The following VPS8 variants were observed in gnomAD, a reference collection of about 807,000 sequenced individuals.
The protein encoded by VPS8 is VPS8 subunit of CORVET complex.
In VPS8, 129 loss-of-function variants were observed where a neutral mutation model predicts 216.4. That is an observed-to-expected ratio of 0.60 (90% CI 0.52 to 0.69). The LOEUF (loss-of-function observed/expected upper bound fraction) is 0.69, where lower values mean the gene tolerates loss of function less well. Ranked by LOEUF, VPS8 falls within the 30% of genes least tolerant of loss-of-function variation. The pLI is 0.00. For missense variants in VPS8, 1,531 were observed against 1,683.5 expected (o/e 0.91, Z 1.59); for synonymous variants, 571 against 565.4 (o/e 1.01, Z -0.14).
At chr3:184,927,726 A>T (rs944166560) in intron 31 of VPS8, among the ~76,000 whole-genome samples, 2 of 151,900 alleles carry the variant, frequency 1.3e-5, no homozygotes, top group African/African-American at 4.8e-5. Context: ...TTAAATCATA[A>T]CTCCCACTCC....
chr3:184,845,893 T>G (rs1320584077), intron 8 of VPS8, among the ~76,000 whole-genome samples: 2 of 152,172 alleles, frequency 1.3e-5, no homozygotes, highest in Non-Finnish European at 2.9e-5. Context: ...TAAGTGTATA[T>G]ATGAATGTAA....
intron 4 of VPS8, among the ~76,000 whole-genome samples, chr3:184,834,373 C>A (rs1345491423): frequency 6.6e-6 from 1 of 152,084 alleles, no homozygotes; most frequent in African/African-American, 2.4e-5. Context: ...TCCGTCATAC[C>A]TCTTTTAGGA....
At chr3:185,015,721 G>A (rs986408907) in intron 45 of VPS8, among the ~76,000 whole-genome samples, 1 of 152,228 alleles carries the variant, frequency 6.6e-6, no homozygotes, top group Non-Finnish European at 1.5e-5. Context: ...GGTTTGCCAA[G>A]TAAGACCATT....
Position 184,926,622 on chromosome 3 carries a change from A to T in VPS8, c.2603A>T (p.Asp868Val), listed in dbSNP as rs769890987. 2 of 1,605,428 alleles carry T rather than the reference A, an allele frequency of 1.2e-6. No individual in the cohort carries two copies. Among genetic ancestry groups the T allele is most frequent in the South Asian group, 2.2e-5 (2 of 89,004 alleles). Residue 868 changes from aspartate (D) to valine (V), a missense_variant, in exon 31 of 48, where the codon GAT becomes GTT. By Grantham distance (152) the Asp-to-Val change is radical. This residue lies in a region of VPS8 where 1,318 missense variants were observed against 1,468.4 expected (regional missense o/e 0.90). Coordinates refer to ENST00000625842, the MANE Select transcript of VPS8 (RefSeq NM_001009921.3). The stretch of plus-strand genomic sequence containing the variant: ...CTTGAATTCCTTTGTAGTCCTGACG[A>T]TGACTCCCGACACTCTGAAAGACAG... ...QVLEFLCSPD[D>V]DSRHSERQQV...
In VPS8 at chr3:184,928,147, T is replaced by C. The variant is rs535145626; in HGVS notation, c.2632-304T>C. On this transcript the variant is annotated intron_variant, in intron 31 of 47. Transcript: ENST00000625842. ...ATAAAAATTCACTTCTTGAAAGATA[T>C]ATATGGACATTTTAGCTTAGCAGAG... Among the ~76,000 whole-genome samples the C allele has an allele frequency of 5.9e-5, 9 of 152,362 alleles. 1 individual carries two copies. The highest frequency in any genetic ancestry group is 4.6e-4 in the Admixed American group (7 of 15,312).
chr3:184,829,618 G>T (rs1719564379), intron 3 of VPS8, among the ~76,000 whole-genome samples: 1 of 152,094 alleles, frequency 6.6e-6, no homozygotes. Context: ...TTTTGAAAGT[G>T]GTGGTATTGA....
intron 33 of VPS8, among the ~76,000 whole-genome samples, chr3:184,930,072 A>T (rs1364842396): frequency 6.6e-6 from 1 of 152,138 alleles, no homozygotes; most frequent in Non-Finnish European, 1.5e-5. Context: ...AGGTGGGGAA[A>T]ATTGACATGT....
At chr3:184,858,224 G>A (rs1725639665) in intron 14 of VPS8, among the ~76,000 whole-genome samples, 1 of 152,156 alleles carries the variant, frequency 6.6e-6, no homozygotes, top group Non-Finnish European at 1.5e-5. Context: ...AGGATATAGA[G>A]TGTGTACTTA....
intron 22 of VPS8, among the ~76,000 whole-genome samples, chr3:184,888,540 T>C (rs1731734960): frequency 6.6e-6 from 1 of 152,200 alleles, no homozygotes; most frequent in South Asian, 2.1e-4. Flanking sequence ...TTCCTTGTTA[T>C]ATGTCCTGTA....
At chr3:185,027,946 A>G (rs1021544743) in intron 46 of VPS8, among the ~76,000 whole-genome samples, 3 of 152,184 alleles carry the variant, frequency 2.0e-5, no homozygotes, top group African/African-American at 7.2e-5. Context: ...CATATCTCAA[A>G]TGCCTTTTAC....
chr3:184,815,015 C>T (rs1383613207), intron 1 of VPS8, among the ~76,000 whole-genome samples: 1 of 151,926 alleles, frequency 6.6e-6, no homozygotes, highest in Non-Finnish European at 1.5e-5. Context: ...TCTTTAAAAA[C>T]GAAGACGCAA....
rs1183879329 is a variant in VPS8 at position 184,920,108 on chromosome 3, A to T, written c.2383-19A>T. On this transcript the variant is annotated intron_variant, in intron 28 of 47. Transcript: ENST00000625842. ...GTGCAAATAATAATTACTTTAAAAA[A>T]TTTATTTCTCCCTTTTAGACTTTTG... 1.3e-6 allele frequency: 2 copies of T among 1,485,202 alleles called. No individual in the cohort carries two copies. The highest frequency in any genetic ancestry group is 5.1e-5 in the Admixed American group (2 of 39,524). 92.0% of individuals were successfully genotyped at this position (1,485,202 alleles called of 1,614,324 possible). A position where few individuals can be genotyped will look rare whatever the true frequency, so the allele number is the denominator to read the frequency against.
At chr3:185,027,289 C>A (rs1757515635) in intron 46 of VPS8, among the ~76,000 whole-genome samples, 1 of 139,020 alleles carries the variant, frequency 7.2e-6, no homozygotes, top group Admixed American at 7.9e-5. Context: ...GTCGCCCAGG[C>A]TAGAGTGCAG....
Position 184,996,445 on chromosome 3 carries a change from A to G in VPS8, c.3780A>G (p.Ile1260Met). The G allele has an allele frequency of 1.9e-6, 3 of 1,613,650 alleles. No individual in the cohort carries two copies. The highest frequency in any genetic ancestry group is 2.7e-5 in the African/African-American group (2 of 75,024). The change falls in exon 44 of 48, where the codon ATA (isoleucine) becomes ATG (methionine). Residue 1260 changes from isoleucine (I) to methionine (M), a missense_variant. This residue lies in a region of VPS8 where 1,318 missense variants were observed against 1,468.4 expected (regional missense o/e 0.90). Transcript: ENST00000625842. Reference protein sequence around the residue: ...GLNPKQDYCSICLQQYKRRQE... With the variant: ...GLNPKQDYCSMCLQQYKRRQE... ...ATCCCAAACAAGATTACTGCTCTAT[A>G]TGTTTGCAGCAGTACAAGAGACGCC...
At chr3:184,978,139 C>T (rs2109710509) in intron 40 of VPS8, among the ~76,000 whole-genome samples, 1 of 151,962 alleles carries the variant, frequency 6.6e-6, no homozygotes, top group South Asian at 2.1e-4. Flanking sequence ...TTCAGGGTTT[C>T]AGTTTCTTTC....
At chr3:185,021,228 C>T (rs1490968667) in intron 45 of VPS8, among the ~76,000 whole-genome samples, 1 of 152,262 alleles carries the variant, frequency 6.6e-6, no homozygotes, top group African/African-American at 2.4e-5. Flanking sequence ...ATCCGTATCC[C>T]CAGATCTAGT....
intron 46 of VPS8, among the ~76,000 whole-genome samples, chr3:185,047,272 G>T (rs146035220): frequency 6.6e-6 from 1 of 152,166 alleles, no homozygotes; most frequent in Non-Finnish European, 1.5e-5. Context: ...GCAGAGTCCC[G>T]TGCATCTGCT....
chr3:184,886,946 T>C (rs1249376767), intron 22 of VPS8, among the ~76,000 whole-genome samples: 4 of 152,228 alleles, frequency 2.6e-5, no homozygotes, highest in Non-Finnish European at 4.4e-5. Context: ...AAGGCTAGAT[T>C]CATTGTGCTT....
intron 34 of VPS8, among the ~76,000 whole-genome samples, chr3:184,934,829 G>GT (rs1303847724): frequency 6.6e-6 from 1 of 152,060 alleles, no homozygotes; most frequent in East Asian, 1.9e-4. Flanking sequence ...GTCCTATTGG[G>GT]TTTAAGGTGT....
Sources: allele counts gnomAD v4.1 joint callset (sites outside exome capture counted in the v4.1 genomes callset), GRCh38; gene constraint gnomAD v4.1.1; regional missense constraint gnomAD v4.1.1; transcripts MANE v1.5; gene names NCBI Gene and HGNC (gene_info 2026-07-23, HGNC 2026-07-21).